MYH9: variants seen among roughly 807,000 people sequenced by gnomAD.
MYH9 encodes myosin-9.
Under a neutral mutation model 241.9 loss-of-function variants are expected in MYH9, and 29 were observed. The observed-to-expected ratio is 0.12, with a 90% CI of 0.09 to 0.16. MYH9 has a LOEUF of 0.16. MYH9 is among the 10% of genes least tolerant of loss of function. The pLI is 1.00. For missense variants in MYH9, 1,803 were observed against 2,595.5 expected, an observed-to-expected ratio of 0.69 and a Z score of 6.63; for synonymous variants, 1,047 against 1,062.6, an observed-to-expected ratio of 0.99 and a Z score of 0.29.
In MYH9 at chr22:36,281,581, C is replaced by T. The variant is rs1025650268; in HGVS notation, c.*1087G>A. 1 of 229,662 alleles carries T rather than the reference C, an allele frequency of 4.4e-6. No individual in the cohort carries two copies. Among genetic ancestry groups the T allele is most frequent in the Non-Finnish European group, 8.6e-6 (1 of 115,628 alleles). The allele number at this position is 229,662 out of a possible 1,614,324, so 14.2% of individuals were successfully genotyped here. A position where few individuals can be genotyped will look rare whatever the true frequency, so the allele number is the denominator to read the frequency against. On this transcript the variant is annotated 3_prime_UTR_variant, in exon 41 of 41. Transcript: ENST00000216181. ...AAACAGTTAGGAATACAAGTAAATT[C>T]GGCAACCAGTGTAGACCAGTGAGGA...
chr22:36,297,057 T>C, intron 24 of MYH9, 43 bp from the exon 25 acceptor site: 2 of 1,603,592 alleles, frequency 1.2e-6, no homozygotes, highest in South Asian at 1.1e-5. Flanking sequence ...GTGCCATGGG[T>C]TCTGTCTCCG....
intron 2 of MYH9, among the ~76,000 whole-genome samples, chr22:36,348,181 G>A (rs2017708634): frequency 6.7e-6 from 1 of 149,066 alleles, no homozygotes; most frequent in Admixed American, 6.7e-5. Flanking sequence ...TAAAAAAGAA[G>A]ATTTTTTAAA....
rs1038136906 is a variant in MYH9 at position 36,381,270 on chromosome 22, T to C, written c.-20+6537A>G. On this transcript the variant is annotated intron_variant, in intron 1 of 40. Transcript: ENST00000216181. ...TGGCTCATGCCTGTAATCCCAGCAC[T>C]TTGGGAAGAAGAAGCAGGTGGATCA... Among the ~76,000 whole-genome samples, 16 of 152,072 alleles carry C rather than the reference T, an allele frequency of 1.1e-4. 1 individual carries two copies. The highest frequency in any genetic ancestry group is 5.9e-4 in the Admixed American group (9 of 15,274).
At chr22:36,317,675 GA>G (rs1243111415) in intron 11 of MYH9, among the ~76,000 whole-genome samples, 3 of 152,254 alleles carry the variant, frequency 2.0e-5, no homozygotes, top group Admixed American at 6.5e-5. Flanking sequence ...GAGAGAGGCA[GA>G]AAGCGGTCCG....
chr22:36,288,672 G>A lies in MYH9; in HGVS notation c.4770+55C>T, dbSNP rs1180881708. 1.3e-6 allele frequency: 2 copies of A among 1,585,578 alleles called. No individual in the cohort carries two copies. The highest frequency in any genetic ancestry group is 2.2e-5 in the East Asian group (1 of 44,806). Reference sequence around the variant, plus strand: ...AGGTGGAAGGAGAGAACAGAAGCCTGCGTGAAGCCAAGGCAGCCTTGGGCA... The same window carrying A: ...AGGTGGAAGGAGAGAACAGAAGCCTACGTGAAGCCAAGGCAGCCTTGGGCA... On this transcript the variant is annotated intron_variant, in intron 33 of 40. Coordinates refer to ENST00000216181, the MANE Select transcript of MYH9 (RefSeq NM_002473.6). The surrounding 1 kb of genome is among the most constrained non-coding windows in gnomAD (Gnocchi z 4.8).
chr22:36,284,996 G>A, intron 38 of MYH9, 125 bp downstream of exon 38: 1 of 893,308 alleles, frequency 1.1e-6, no homozygotes, highest in Non-Finnish European at 1.7e-6. Context: ...CCCATCAGGA[G>A]GGAGGGAAAC....
Position 36,320,454 on chromosome 22 carries a change from G to A in MYH9, c.869-91C>T. The A allele has an allele frequency of 6.5e-7, 1 of 1,539,588 alleles. No individual in the cohort carries two copies. Among genetic ancestry groups the A allele is most frequent in the South Asian group, 1.1e-5 (1 of 89,348 alleles). ...TGACCTCAAAGGTTGGAGAGACTGGGACAGACCCTGAGCCCTGACGCACCC... is the reference window on the plus strand; with the variant it reads ...TGACCTCAAAGGTTGGAGAGACTGGAACAGACCCTGAGCCCTGACGCACCC... On this transcript the variant is annotated intron_variant, in intron 8 of 40. Coordinates refer to ENST00000216181, the MANE Select transcript of MYH9 (RefSeq NM_002473.6). This position sits in a 1 kb window ranked among gnomAD's most constrained non-coding sequence, Gnocchi z 4.8.
intron 14 of MYH9, among the ~76,000 whole-genome samples, chr22:36,310,047 C>T (rs2017035462): frequency 6.6e-6 from 1 of 151,724 alleles, no homozygotes; most frequent in Non-Finnish European, 1.5e-5. Context: ...GTCAGGAGTT[C>T]GAGACCAGCC....
chr22:36,301,726 G>T, intron 20 of MYH9, 61 bp from the exon 21 acceptor site: 2 of 1,600,164 alleles, frequency 1.2e-6, no homozygotes. Context: ...TCTGCCAACA[G>T]GTGTGAGGCC....
rs747568556 is a variant in MYH9, at chr22:36,303,968, G to A, written c.2390+27C>T. On this transcript the variant is annotated intron_variant, in intron 19 of 40. Transcript: ENST00000216181. ...AAGGGCGTGGCAAGGCCTGGCATGC[G>A]GGGCAGGAGTATCTCCCGGGACTCA... 7.4e-6 allele frequency: 12 copies of A among 1,611,798 alleles called. No homozygotes were observed. The East Asian group carries it at 1.1e-4, about 15-fold the overall frequency.
At chr22:36,323,181 G>A (rs1040138856) in intron 5 of MYH9, among the ~76,000 whole-genome samples, 5 of 152,178 alleles carry the variant, frequency 3.3e-5, no homozygotes, top group Non-Finnish European at 7.3e-5. Flanking sequence ...ATGCACCCTT[G>A]TGCCTTCTTA....
rs528859621 is a variant in MYH9 at position 36,361,830 on chromosome 22, G to A, written c.-19-12575C>T. ...CTCACGCCTGTAATCCCAACACTTTGGGAGGACAAGGCAGGTAGATCACGA... is the reference window on the plus strand; with the variant it reads ...CTCACGCCTGTAATCCCAACACTTTAGGAGGACAAGGCAGGTAGATCACGA... On this transcript the variant is annotated intron_variant, in intron 1 of 40. Coordinates refer to ENST00000216181, the MANE Select transcript of MYH9 (RefSeq NM_002473.6). 2.2e-4 allele frequency among the ~76,000 whole-genome samples: 34 copies of A among 152,336 alleles called. 1 individual carries two copies. Among genetic ancestry groups the A allele is most frequent in the African/African-American group, 7.9e-4 (33 of 41,572 alleles).
intron 20 of MYH9, 125 bp from the exon 21 acceptor site, chr22:36,301,790 G>C: frequency 1.5e-6 from 2 of 1,341,522 alleles, no homozygotes; most frequent in Non-Finnish European, 2.1e-6. Flanking sequence ...ACGCTGTGGT[G>C]GGGGCTGCAA....
intron 15 of MYH9, among the ~76,000 whole-genome samples, chr22:36,308,647 G>C (rs1180502610): frequency 1.3e-5 from 2 of 152,088 alleles, no homozygotes; most frequent in Admixed American, 6.6e-5. Context: ...ACAGTGCGGG[G>C]AACCTGCCCA....
intron 1 of MYH9, among the ~76,000 whole-genome samples, chr22:36,377,062 CAA>C (rs11448075): frequency 2.1e-5 from 3 of 144,852 alleles, no homozygotes. Flanking sequence ...GACCCTACCT[CAA>C]AAAAAAAAAA....
At chr22:36,360,072 C>CCACCACCACCACCACCACCAA (rs1569536881) in intron 1 of MYH9, among the ~76,000 whole-genome samples, 2 of 147,102 alleles carry the variant, frequency 1.4e-5, no homozygotes, top group African/African-American at 2.5e-5. Flanking sequence ...ACCACCACCA[C>CCACCACCACCACCACCACCAA]CACCTAACAT....
chr22:36,291,884 C>T (rs905898992), intron 31 of MYH9, 102 bp downstream of exon 31: 176 of 1,576,434 alleles, frequency 1.1e-4, no homozygotes, highest in Non-Finnish European at 1.4e-4. Flanking sequence ...CCCTCCCCGG[C>T]GAGACCCTGA....
chr22:36,362,052 G>A (rs924093616), intron 1 of MYH9, among the ~76,000 whole-genome samples: 3 of 152,186 alleles, frequency 2.0e-5, no homozygotes, highest in African/African-American at 7.2e-5. Context: ...CTGGGGGACA[G>A]AGCGAGACTC....
chr22:36,295,025 C>T lies in MYH9; in HGVS notation c.3537G>A (p.Glu1179=). 6.2e-7 allele frequency: 1 copy of T among 1,614,218 alleles called. No homozygotes were observed. Among genetic ancestry groups the T allele is most frequent in the Non-Finnish European group, 8.5e-7 (1 of 1,180,044 alleles). ...GGATCTGGGCCTCGTGGGTCTTGGC[C>T]TCCTCCTCCAGGGTCTTCTTCAGGA... The part of the protein sequence containing the change: ...VNILKKTLEE[E]AKTHEAQIQE... The change falls in exon 27 of 41, where the codon GAG becomes GAA. Residue 1179 remains glutamate (E), a synonymous_variant. Transcript: ENST00000216181. This position sits in a 1 kb window ranked among gnomAD's most constrained non-coding sequence, Gnocchi z 4.1.
Sources: gnomAD v4.1 joint callset for allele counts (sites outside exome capture counted in the v4.1 genomes callset) on GRCh38, gnomAD v4.1.1 for gene constraint, Gnocchi (gnomAD v3.1) non-coding constraint, MANE v1.5 for transcripts, NCBI Gene and HGNC (gene_info 2026-07-23, HGNC 2026-07-21) for gene names.